The following PPP6R3 variants were observed in gnomAD, a reference collection of about 807,000 sequenced individuals.
PPP6R3 encodes the protein protein phosphatase 6 regulatory subunit 3.
PPP6R3 carries 38 observed loss-of-function variants against 110.7 expected under a neutral mutation model. The observed-to-expected ratio is 0.34, with a 90% confidence interval of 0.26 to 0.45. The LOEUF is 0.45. Among genes scored for constraint, PPP6R3 ranks in the 20% least tolerant of loss-of-function variants. PPP6R3 has a pLI of 1.00. For missense variants in PPP6R3, 870 were observed against 1,062.4 expected (o/e 0.82, Z 2.52); for synonymous variants, 369 against 373.5 (o/e 0.99, Z 0.14).
chr11:68,483,672 G>C (rs1180992389), intron 1 of PPP6R3, among the ~76,000 whole-genome samples: 1 of 152,194 alleles, frequency 6.6e-6, no homozygotes, highest in Non-Finnish European at 1.5e-5. Flanking sequence ...AGTAGAGACA[G>C]GGTTTCACCA....
At chr11:68,599,277 AG>A (rs1035579004) in intron 19 of PPP6R3, among the ~76,000 whole-genome samples, 1 of 152,238 alleles carries the variant, frequency 6.6e-6, no homozygotes, top group African/African-American at 2.4e-5. Context: ...CACTCTGTGA[AG>A]GAAAAGCATG....
intron 14 of PPP6R3, among the ~76,000 whole-genome samples, chr11:68,577,962 A>C (rs1313649838): frequency 1.3e-5 from 2 of 152,148 alleles, no homozygotes; most frequent in African/African-American, 4.8e-5. Context: ...AGTTAGCCCC[A>C]CTCCAGAATT....
chr11:68,575,348 T>C (rs1034254049), intron 13 of PPP6R3, among the ~76,000 whole-genome samples: 2 of 152,236 alleles, frequency 1.3e-5, no homozygotes, highest in African/African-American at 4.8e-5. Flanking sequence ...TCCTTTTCTT[T>C]AACATTTCTC....
chr11:68,530,212 CAGAT>C (rs1565634888), intron 2 of PPP6R3, among the ~76,000 whole-genome samples: 2 of 152,030 alleles, frequency 1.3e-5, no homozygotes, highest in Non-Finnish European at 2.9e-5. Context: ...ACTTGGATGA[CAGAT>C]AGAGCTTGTG....
chr11:68,605,387 C>T (rs1594068025), intron 22 of PPP6R3, among the ~76,000 whole-genome samples: 1 of 152,016 alleles, frequency 6.6e-6, no homozygotes, highest in South Asian at 2.1e-4. Flanking sequence ...ACAAAGAGAC[C>T]CCCTCCACTA....
intron 15 of PPP6R3, among the ~76,000 whole-genome samples, chr11:68,584,328 C>G (rs1156757400): frequency 6.6e-6 from 1 of 152,188 alleles, no homozygotes; most frequent in Non-Finnish European, 1.5e-5. Flanking sequence ...CCAGAGCGCT[C>G]TGGTATTGTC....
chr11:68,530,641 AT>A (rs1394608775), intron 2 of PPP6R3, among the ~76,000 whole-genome samples: 1 of 152,150 alleles, frequency 6.6e-6, no homozygotes. Context: ...AGCTGGTTTG[AT>A]GGGTGTGTGA....
chr11:68,594,287 AGAGAG>A (rs1162218732), intron 18 of PPP6R3, among the ~76,000 whole-genome samples: 8 of 148,334 alleles, frequency 5.4e-5, no homozygotes, highest in East Asian at 2.0e-4. Flanking sequence ...AGAGAGAGAG[AGAGAG>A]GAGAGAGGAG....
At position 68,600,161 on chromosome 11, in the gene PPP6R3, G is replaced by A. The variant is rs548064780; in HGVS notation, c.2039-180G>A. ...AAAAAGAAATGGGAGGTTTGAGAATGTGGGATCATTGTTAGAGTGCCCTCC... is the reference window on the plus strand; with the variant it reads ...AAAAAGAAATGGGAGGTTTGAGAATATGGGATCATTGTTAGAGTGCCCTCC... On this transcript the variant is annotated intron_variant, in intron 19 of 23. Transcript: ENST00000393800. Among the ~76,000 whole-genome samples the A allele has an allele frequency of 6.6e-5, 10 of 152,304 alleles. No individual in the cohort carries two copies. The South Asian group carries it at 1.9e-3, about 28-fold the overall frequency.
At chr11:68,495,015 T>A (rs1475544500) in intron 1 of PPP6R3, among the ~76,000 whole-genome samples, 1 of 152,170 alleles carries the variant, frequency 6.6e-6, no homozygotes. Context: ...CTGGCACATA[T>A]GAGATCCTCT....
At chr11:68,585,340 C>T (rs1374704288) in intron 15 of PPP6R3, among the ~76,000 whole-genome samples, 9 of 152,188 alleles carry the variant, frequency 5.9e-5, no homozygotes, top group Admixed American at 5.9e-4. Context: ...CACATACGGG[C>T]TTGCTGGTAG....
intron 9 of PPP6R3, among the ~76,000 whole-genome samples, chr11:68,565,612 C>G (rs1253310012): frequency 6.6e-6 from 1 of 151,744 alleles, no homozygotes; most frequent in Non-Finnish European, 1.5e-5. Flanking sequence ...TGAGGAAGGG[C>G]CTGACCTGTG....
intron 1 of PPP6R3, among the ~76,000 whole-genome samples, chr11:68,468,367 C>A (rs2098763784): frequency 6.6e-6 from 1 of 152,200 alleles, no homozygotes; most frequent in African/African-American, 2.4e-5. Context: ...TGCCTTTGGA[C>A]AATGGACAGG....
At chr11:68,566,588 T>C (rs1045270826) in intron 9 of PPP6R3, among the ~76,000 whole-genome samples, 3 of 152,156 alleles carry the variant, frequency 2.0e-5, no homozygotes, top group African/African-American at 7.2e-5. Context: ...CTCAAACTCC[T>C]GGGTTCAAGC....
intron 4 of PPP6R3, among the ~76,000 whole-genome samples, chr11:68,546,180 A>G (rs1010782806): frequency 6.6e-6 from 1 of 152,236 alleles, no homozygotes; most frequent in African/African-American, 2.4e-5. Flanking sequence ...TCACTTTGGT[A>G]ATAATCCCCA....
chr11:68,553,432 T>C (rs1221855430), intron 6 of PPP6R3, among the ~76,000 whole-genome samples: 1 of 152,042 alleles, frequency 6.6e-6, no homozygotes, highest in Non-Finnish European at 1.5e-5. Flanking sequence ...TAGCTGGGAT[T>C]ACAGGCATGC....
intron 14 of PPP6R3, among the ~76,000 whole-genome samples, chr11:68,581,244 A>G (rs918283918): frequency 1.3e-5 from 2 of 152,202 alleles, no homozygotes; most frequent in African/African-American, 4.8e-5. Context: ...AATATCTTCT[A>G]GTATTGCTTT....
intron 1 of PPP6R3, among the ~76,000 whole-genome samples, chr11:68,509,300 T>G (rs948505588): frequency 2.3e-4 from 35 of 152,320 alleles, no homozygotes; most frequent in African/African-American, 4.6e-4. Flanking sequence ...TTTAGTGGTG[T>G]TGTGCTGTAG....
At chr11:68,533,704 CAAAAAAAAAAAAAA>C (rs58617776) in intron 2 of PPP6R3, among the ~76,000 whole-genome samples, 1 of 56,144 alleles carries the variant, frequency 1.8e-5, no homozygotes, top group Non-Finnish European at 3.2e-5. Context: ...GACCTTGTCT[CAAAAAAAAAAAAAA>C]AAAAAAAAAA....
Sources: gnomAD v4.1 joint callset for allele counts (sites outside exome capture counted in the v4.1 genomes callset) on GRCh38, gnomAD v4.1.1 for gene constraint, MANE v1.5 for transcripts, NCBI Gene and HGNC (gene_info 2026-07-23, HGNC 2026-07-21) for gene names.